NRXN3: variants seen among roughly 807,000 people sequenced by gnomAD.
NRXN3 encodes the protein neurexin III.
NRXN3 carries 32 observed loss-of-function variants against 137.6 expected under a neutral mutation model. The observed-to-expected ratio is 0.23, with a 90% CI of 0.18 to 0.31. The LOEUF (loss-of-function observed/expected upper bound fraction) is 0.31. Ranked by LOEUF, NRXN3 falls within the 10% of genes least tolerant of loss-of-function variation. NRXN3 has a pLI of 1.00. For synonymous variants in NRXN3, 798 were observed against 784.5 expected (o/e 1.02, Z -0.29); for missense variants, 1,574 against 2,062.5 (o/e 0.76, Z 4.59).
At chr14:79,817,890 A>C (rs2099256594) in intron 20 of NRXN3, among the ~76,000 whole-genome samples, 1 of 152,124 alleles carries the variant, frequency 6.6e-6, no homozygotes, top group African/African-American at 2.4e-5. Context: ...GGGGTTATAA[A>C]ATTGTTCCAT....
intron 10 of NRXN3, among the ~76,000 whole-genome samples, chr14:78,954,170 C>T (rs1419071444): frequency 6.6e-6 from 1 of 152,196 alleles, no homozygotes; most frequent in Non-Finnish European, 1.5e-5. Flanking sequence ...TTTCTCCTCT[C>T]TCTTTGCCTT....
intron 16 of NRXN3, among the ~76,000 whole-genome samples, chr14:79,475,282 T>C (rs2096549808): frequency 6.6e-6 from 1 of 152,180 alleles, no homozygotes; most frequent in South Asian, 2.1e-4. Flanking sequence ...AAATAGGTTA[T>C]GGCTGATAGG....
At chr14:79,563,024 AC>A (rs1446843488) in intron 16 of NRXN3, among the ~76,000 whole-genome samples, 2 of 152,116 alleles carry the variant, frequency 1.3e-5, no homozygotes, top group Admixed American at 6.6e-5. Context: ...CATATAACCC[AC>A]CCCCAATAAG....
At chr14:79,307,803 TTC>T (rs138893694) in intron 15 of NRXN3, among the ~76,000 whole-genome samples, 7 of 151,290 alleles carry the variant, frequency 4.6e-5, no homozygotes, top group Admixed American at 1.3e-4. Flanking sequence ...TTTATTTTTT[TTC>T]TCTCTCTCTC....
chr14:78,306,199 AAAC>A (rs1471136465), intron 4 of NRXN3, among the ~76,000 whole-genome samples: 3 of 152,174 alleles, frequency 2.0e-5, no homozygotes, highest in Admixed American at 6.5e-5. Context: ...TCAGATTTTG[AAAC>A]AACATGTCTG....
At chr14:78,738,160 A>G (rs1461196587) in intron 8 of NRXN3, among the ~76,000 whole-genome samples, 1 of 152,206 alleles carries the variant, frequency 6.6e-6, no homozygotes, top group East Asian at 1.9e-4. Context: ...AGCACTTCCT[A>G]ACTCCCTAAA....
At chr14:78,936,733 C>T (rs2099340757) in intron 10 of NRXN3, among the ~76,000 whole-genome samples, 1 of 152,178 alleles carries the variant, frequency 6.6e-6, no homozygotes, top group Admixed American at 6.5e-5. Flanking sequence ...CATCCAGTGT[C>T]CCCATAGCCT....
chr14:78,181,671 C>G (rs1243362171), intron 1 of NRXN3, among the ~76,000 whole-genome samples: 1 of 152,178 alleles, frequency 6.6e-6, no homozygotes, highest in Non-Finnish European at 1.5e-5. Context: ...AATCTCCGCA[C>G]AACTTGAGTG....
chr14:78,693,056 CCAGGCAA>C (rs1263593791), intron 6 of NRXN3, among the ~76,000 whole-genome samples: 1 of 151,908 alleles, frequency 6.6e-6, no homozygotes, highest in East Asian at 1.9e-4. Flanking sequence ...GCATTCCAGC[CCAGGCAA>C]CAGAGCGAGA....
At chr14:79,063,225 A>G (rs1398453350) in intron 15 of NRXN3, among the ~76,000 whole-genome samples, 1 of 152,172 alleles carries the variant, frequency 6.6e-6, no homozygotes, top group Non-Finnish European at 1.5e-5. Flanking sequence ...ACATGCACTT[A>G]TCCTTTAAGG....
chr14:78,589,740 T>C (rs2097099327), intron 4 of NRXN3, among the ~76,000 whole-genome samples: 1 of 152,190 alleles, frequency 6.6e-6, no homozygotes, highest in South Asian at 2.1e-4. Context: ...CAGGTGTGTC[T>C]TCCCCACCTA....
chr14:79,417,840 A>G (rs558136719), intron 15 of NRXN3, among the ~76,000 whole-genome samples: 35 of 152,252 alleles, frequency 2.3e-4, no homozygotes, highest in African/African-American at 7.9e-4. Flanking sequence ...CTGAGATGAT[A>G]TGCCAGACAG....
intron 16 of NRXN3, among the ~76,000 whole-genome samples, chr14:79,635,115 T>C (rs558064938): frequency 3.3e-5 from 5 of 152,308 alleles, no homozygotes; most frequent in Admixed American, 6.5e-5. Context: ...TTAGAGGTGA[T>C]AGATATGCTA....
chr14:79,213,426 A>C (rs1001735365), intron 15 of NRXN3, among the ~76,000 whole-genome samples: 5 of 152,216 alleles, frequency 3.3e-5, no homozygotes, highest in African/African-American at 1.2e-4. Flanking sequence ...GAGGCAGAAC[A>C]TAATACAGTA....
Position 79,390,161 on chromosome 14 carries a change from C to CA in NRXN3, c.3263-77054dup, listed in dbSNP as rs1243126994. ...TGAAACCCCGTCTCTACTAAGAATA[C>CA]AAAAAATTAGGCGGGCGCGGTGGCG... On this transcript the variant is annotated intron_variant, in intron 15 of 20. Transcript: ENST00000335750. 4.6e-5 allele frequency among the ~76,000 whole-genome samples: 7 copies of CA among 151,936 alleles called. No homozygotes were observed. The East Asian group carries it at 1.4e-3, about 30-fold the overall frequency.
intron 15 of NRXN3, among the ~76,000 whole-genome samples, chr14:79,097,444 G>A (rs190991178): frequency 5.9e-4 from 90 of 152,250 alleles, no homozygotes; most frequent in Middle Eastern, 3.4e-3. Flanking sequence ...GCACCATGAA[G>A]CATCATCAGG....
intron 15 of NRXN3, among the ~76,000 whole-genome samples, chr14:79,141,714 T>G (rs2058803282): frequency 6.6e-6 from 1 of 152,228 alleles, no homozygotes; most frequent in African/African-American, 2.4e-5. Flanking sequence ...AGATACCACT[T>G]CTGTCTTGTC....
intron 20 of NRXN3, among the ~76,000 whole-genome samples, chr14:79,812,756 A>G (rs1452011697): frequency 6.6e-6 from 1 of 152,172 alleles, no homozygotes; most frequent in Non-Finnish European, 1.5e-5. Context: ...CACCGTTTTT[A>G]GGTAATAGGG....
intron 16 of NRXN3, among the ~76,000 whole-genome samples, chr14:79,527,592 GC>G (rs1209829317): frequency 1.3e-5 from 2 of 151,972 alleles, no homozygotes; most frequent in African/African-American, 4.8e-5. Flanking sequence ...TAAAATAGTG[GC>G]CAGGCATGGT....
Sources: allele counts gnomAD v4.1 joint callset (sites outside exome capture counted in the v4.1 genomes callset), GRCh38; gene constraint gnomAD v4.1.1; transcripts MANE v1.5; gene names NCBI Gene and HGNC (gene_info 2026-07-23, HGNC 2026-07-21).